The following DCAF8L2 variants were observed in gnomAD, a reference collection of about 807,000 sequenced individuals.
The protein encoded by DCAF8L2 is DDB1- and CUL4-associated factor 8-like protein 2.
For missense variants in DCAF8L2, 430 were observed against 490.7 expected (o/e 0.88, Z 1.17); for synonymous variants, 200 against 190.9 (o/e 1.05, Z -0.39).
chrX:27,724,616 T>C (rs1290429903), intron 4 of DCAF8L2, among the ~76,000 whole-genome samples: 2 of 111,428 alleles, frequency 1.8e-5, no homozygotes, highest in Non-Finnish European at 3.8e-5. Flanking sequence ...TATATTAAAT[T>C]TATCAGGCAA....
At chrX:27,513,847 T>G in the DCAF8L2 span, among the ~76,000 whole-genome samples, 58,200 of 110,228 alleles carry the variant, frequency 0.53, 12,630 homozygotes, top group South Asian at 0.77. Flanking sequence ...ATATATTACT[T>G]TACCCCAGTC....
intron 2 of DCAF8L2, among the ~76,000 whole-genome samples, chrX:27,645,674 T>A (rs754375438): frequency 9.0e-6 from 1 of 111,703 alleles, no homozygotes; most frequent in South Asian, 3.7e-4. Flanking sequence ...AAACCCCTGA[T>A]TCAGCCCAAA....
chrX:27,622,303 T>C, intron 1 of DCAF8L2, among the ~76,000 whole-genome samples: 1 of 101,181 alleles, frequency 9.9e-6, no homozygotes, highest in Non-Finnish European at 1.9e-5. Flanking sequence ...CGGACACCTG[T>C]ATTCCTAGCT....
the DCAF8L2 span, among the ~76,000 whole-genome samples, chrX:27,522,439 T>C: frequency 8.9e-6 from 1 of 112,437 alleles, no homozygotes; most frequent in Non-Finnish European, 1.9e-5. Flanking sequence ...ATTGTTATAA[T>C]TTTTTTATTG....
In DCAF8L2 at chrX:27,611,260, T is replaced by C. The variant is rs1488535538; in HGVS notation, c.-341-20619T>C. Among the ~76,000 whole-genome samples the C allele has an allele frequency of 2.7e-5, 3 of 111,039 alleles. No homozygotes were observed. In the Admixed American group the frequency reaches 2.9e-4, roughly 11 times the overall value. On this transcript the variant is annotated intron_variant, in intron 1 of 4. Coordinates refer to ENST00000451261, the MANE Select transcript of DCAF8L2 (RefSeq NM_001353450.2). ...AAGCGATTTTTATGGATCTGAGCTT[T>C]AGAATATACCTTTCAAAATAAAAGA...
the DCAF8L2 span, among the ~76,000 whole-genome samples, chrX:27,530,856 A>C: frequency 1.8e-5 from 2 of 112,042 alleles, no homozygotes; most frequent in Non-Finnish European, 3.8e-5. Flanking sequence ...CTATCATTCT[A>C]GACATTTTCT....
chrX:27,634,141 C>T lies in DCAF8L2; in HGVS notation c.-220+2141C>T, dbSNP rs147742917. Among the ~76,000 whole-genome samples the T allele has an allele frequency of 4.4e-3, 497 of 112,040 alleles. 4 individuals carry two copies. The highest frequency in any genetic ancestry group is 0.015 in the African/African-American group (458 of 30,846). On this transcript the variant is annotated intron_variant, in intron 2 of 4. Transcript: ENST00000451261. ...TATTATATGCTAGCACTAACATAGT[C>T]TGGTCCTTCATTATCTCTTAACTGG...
the DCAF8L2 span, among the ~76,000 whole-genome samples, chrX:27,477,749 C>T: frequency 3.6e-5 from 4 of 111,687 alleles, no homozygotes; most frequent in African/African-American, 1.3e-4. Flanking sequence ...GGGGATGATA[C>T]AGTGTATAGA....
At chrX:27,560,461 C>T in the DCAF8L2 span, among the ~76,000 whole-genome samples, 1 of 111,242 alleles carries the variant, frequency 9.0e-6, no homozygotes, top group Non-Finnish European at 1.9e-5. Context: ...TATTCTCTTC[C>T]TTCAGCTGGT....
At chrX:27,470,107 G>C in the DCAF8L2 span, among the ~76,000 whole-genome samples, 1 of 109,477 alleles carries the variant, frequency 9.1e-6, no homozygotes, top group African/African-American at 3.3e-5. Context: ...GGCTGACATA[G>C]TGTAAGAATG....
At chrX:27,494,439 A>G in the DCAF8L2 span, among the ~76,000 whole-genome samples, 2 of 111,805 alleles carry the variant, frequency 1.8e-5, no homozygotes, top group Admixed American at 1.9e-4. Flanking sequence ...TTAAAAAAAA[A>G]GACTCTTGCT....
upstream of DCAF8L2, among the ~76,000 whole-genome samples, chrX:27,586,727 G>T (rs1466242002): frequency 9.0e-6 from 1 of 110,714 alleles, no homozygotes; most frequent in Non-Finnish European, 1.9e-5. Flanking sequence ...TGCTCTTGGT[G>T]CTAAAAAGGA....
In DCAF8L2 at chrX:27,747,507, T is replaced by C. The variant is rs1922304795; in HGVS notation, c.612T>C (p.Phe204=). ...GGCAGCTGGGTTCACGTCCCCGCTT[T>C]GTATATGAGGCCTGTGGGGCAAGAG... ...HQRQLGSRPR[F]VYEACGARAF... Residue 204 remains phenylalanine, a synonymous_variant, in exon 5 of 5, where the codon TTT becomes TTC. Coordinates refer to ENST00000451261, the MANE Select transcript of DCAF8L2 (RefSeq NM_001353450.2). 2 of 1,178,966 alleles carry C rather than the reference T, an allele frequency of 1.7e-6. No individual in the cohort carries two copies. Among genetic ancestry groups the C allele is most frequent in the Non-Finnish European group, 2.3e-6 (2 of 878,814 alleles).
the DCAF8L2 span, among the ~76,000 whole-genome samples, chrX:27,494,445 T>G: frequency 3.6e-5 from 4 of 111,763 alleles, no homozygotes; most frequent in Non-Finnish European, 7.5e-5. Flanking sequence ...AAAAAGACTC[T>G]TGCTATTGTT....
the DCAF8L2 span, among the ~76,000 whole-genome samples, chrX:27,521,639 A>G: frequency 8.9e-6 from 1 of 111,946 alleles, no homozygotes; most frequent in Non-Finnish European, 1.9e-5. Flanking sequence ...CCATGAAAAT[A>G]TTTATATATA....
chrX:27,584,532 C>T, the DCAF8L2 span, among the ~76,000 whole-genome samples: 1 of 110,092 alleles, frequency 9.1e-6, no homozygotes, highest in Non-Finnish European at 1.9e-5. Flanking sequence ...TCATATGCCT[C>T]TCCAATTCCT....
At chrX:27,538,023 A>C in the DCAF8L2 span, among the ~76,000 whole-genome samples, 1 of 111,591 alleles carries the variant, frequency 9.0e-6, no homozygotes, top group Admixed American at 9.6e-5. Context: ...TCCCAGAAAC[A>C]GATGTTTTGT....
intron 4 of DCAF8L2, among the ~76,000 whole-genome samples, chrX:27,731,242 T>TA (rs1047519529): frequency 2.1e-4 from 22 of 103,322 alleles, no homozygotes; most frequent in East Asian, 1.5e-3. Flanking sequence ...TGTCTCTACT[T>TA]AAAAAAAAAA....
intron 2 of DCAF8L2, among the ~76,000 whole-genome samples, chrX:27,673,328 C>T (rs762734244): frequency 4.9e-4 from 53 of 107,381 alleles, no homozygotes; most frequent in Middle Eastern, 4.8e-3. Context: ...GCCAACACGG[C>T]GAAACCCCAT....
Sources: allele counts gnomAD v4.1 joint callset (sites outside exome capture counted in the v4.1 genomes callset), GRCh38; gene constraint gnomAD v4.1.1; transcripts MANE v1.5; gene names NCBI Gene and HGNC (gene_info 2026-07-23, HGNC 2026-07-21).